Variants in GNAS-AS1 observed in about 807,000 individuals in gnomAD.
GNAS-AS1 encodes GNAS antisense RNA 1.
chr20:58,849,346 T>G (rs2145526758), intron 1 of GNAS-AS1, among the ~76,000 whole-genome samples: 1 of 152,292 alleles, frequency 6.6e-6, no homozygotes, highest in Middle Eastern at 3.4e-3. Flanking sequence ...TCCTCCCTAC[T>G]CACTCCTGGA....
chr20:58,839,360 G>C, intron 4 of GNAS-AS1: 3 of 399,502 alleles, frequency 7.5e-6, no homozygotes, highest in Non-Finnish European at 8.8e-6. Context: ...CTCGTGTATA[G>C]ACAGACCCTC....
At position 58,849,496 on chromosome 20, in the gene GNAS-AS1, CT is replaced by C. The variant is rs34774634; in HGVS notation, n.375-580del. 5.3e-5 allele frequency among the ~76,000 whole-genome samples: 8 copies of C among 152,322 alleles called. No individual in the cohort carries two copies. In the South Asian group the frequency reaches 1.7e-3, roughly 32 times the overall value. The stretch of plus-strand genomic sequence containing the variant: ...GCCAATTTGAATGTGTGATCTTTAT[CT>C]TTTTCTGAACTTCAGACCTTTCCTC... On this transcript the variant is annotated intron_variant and non_coding_transcript_variant, in intron 1 of 4. Transcript: ENST00000424094.
Position 58,829,325 on chromosome 20 carries a change from T to C in GNAS-AS1, n.820-10070A>G, listed in dbSNP as rs532424679. The stretch of plus-strand genomic sequence containing the variant: ...ACCACCTCCCTAGACCCAGCTACTA[T>C]CAACTCTAGCTTCCTCTCAAATTCC... On this transcript the variant is annotated intron_variant and non_coding_transcript_variant, in intron 4 of 4. Transcript: ENST00000424094. Among the ~76,000 whole-genome samples, 18 of 152,328 alleles carry C rather than the reference T, an allele frequency of 1.2e-4. No individual in the cohort carries two copies. The South Asian group carries it at 3.5e-3, about 30-fold the overall frequency.
At chr20:58,821,438 G>A (rs2085486480) in intron 4 of GNAS-AS1, among the ~76,000 whole-genome samples, 1 of 152,218 alleles carries the variant, frequency 6.6e-6, no homozygotes, top group African/African-American at 2.4e-5. Flanking sequence ...CGGACTCCAC[G>A]ATTTTCCTGC....
chr20:58,819,947 C>T (rs2085474777), intron 4 of GNAS-AS1, among the ~76,000 whole-genome samples: 1 of 152,206 alleles, frequency 6.6e-6, no homozygotes, highest in African/African-American at 2.4e-5. Flanking sequence ...GTCCTCGCAC[C>T]CCGCCCCAGG....
chr20:58,835,636 CT>C (rs1199162386), intron 4 of GNAS-AS1, among the ~76,000 whole-genome samples: 2 of 152,202 alleles, frequency 1.3e-5, no homozygotes, highest in African/African-American at 4.8e-5. Flanking sequence ...TACTCTACAC[CT>C]GTCAGCAATC....
Position 58,840,995 on chromosome 20 carries a change from G to A in GNAS-AS1, n.819+942C>T. On this transcript the variant is annotated intron_variant and non_coding_transcript_variant, in intron 4 of 4. Coordinates refer to ENST00000424094, the Ensembl canonical transcript of GNAS-AS1. This position sits in a 1 kb window ranked among gnomAD's most constrained non-coding sequence, Gnocchi z 6.0. ...GTCAGGGGCGAGTGGGAAGAGAGGA[G>A]GCTCAGCTGGTCAGCCTGGGATCGG... 4 of 1,217,014 alleles carry A rather than the reference G, an allele frequency of 3.3e-6. No homozygotes were observed. The highest frequency in any genetic ancestry group is 1.3e-5 in the South Asian group (1 of 76,592). The allele number at this position is 1,217,014 out of a possible 1,614,324, so 75.4% of individuals were successfully genotyped here.
At chr20:58,822,522 C>T (rs772486062) in intron 4 of GNAS-AS1, among the ~76,000 whole-genome samples, 4 of 152,222 alleles carry the variant, frequency 2.6e-5, no homozygotes, top group South Asian at 2.1e-4. Context: ...GACACCTAAA[C>T]GTTGGCGGTC....
rs1054081729 is a variant in GNAS-AS1, at chr20:58,841,298, A to G, written n.819+639T>C. On this transcript the variant is annotated intron_variant and non_coding_transcript_variant, in intron 4 of 4. Coordinates refer to ENST00000424094, the Ensembl canonical transcript of GNAS-AS1. The surrounding 1 kb of genome is among the most constrained non-coding windows in gnomAD (Gnocchi z 5.0). ...AATAAGTTGGCCTTCTCAGGTGTCC[A>G]AAATGTGGTTCGGAGGTGCGCGCGC... The G allele has an allele frequency of 1.9e-6, 2 of 1,069,348 alleles. No individual in the cohort carries two copies. Among genetic ancestry groups the G allele is most frequent in the Admixed American group, 4.9e-5 (1 of 20,260 alleles). The allele number at this position is 1,069,348 out of a possible 1,614,324, so 66.2% of individuals were successfully genotyped here.
chr20:58,840,442 G>C lies in GNAS-AS1; in HGVS notation n.819+1495C>G. ...AGGAAGAGTTCGACTACGAGACCGA[G>C]AGCGAGACCGAGTCCGAAATCGAGT... On this transcript the variant is annotated intron_variant and non_coding_transcript_variant, in intron 4 of 4. Transcript: ENST00000424094. This position sits in a 1 kb window ranked among gnomAD's most constrained non-coding sequence, Gnocchi z 6.0. 1 of 1,613,518 alleles carries C rather than the reference G, an allele frequency of 6.2e-7. No individual in the cohort carries two copies. Among genetic ancestry groups the C allele is most frequent in the Non-Finnish European group, 8.5e-7 (1 of 1,179,834 alleles).
At position 58,841,003 on chromosome 20, in the gene GNAS-AS1, T is replaced by G; in HGVS notation, n.819+934A>C. 8.7e-7 allele frequency: 1 copy of G among 1,156,048 alleles called. No homozygotes were observed. Among genetic ancestry groups the G allele is most frequent in the Non-Finnish European group, 1.2e-6 (1 of 801,456 alleles). 71.6% of individuals were successfully genotyped at this position (1,156,048 alleles called of 1,614,324 possible). A position where few individuals can be genotyped will look rare whatever the true frequency, so the allele number is the denominator to read the frequency against. On this transcript the variant is annotated intron_variant and non_coding_transcript_variant, in intron 4 of 4. Transcript: ENST00000424094. This position sits in a 1 kb window ranked among gnomAD's most constrained non-coding sequence, Gnocchi z 5.0. ...CGAGTGGGAAGAGAGGAGGCTCAGC[T>G]GGTCAGCCTGGGATCGGGGGTCAGG...
intron 4 of GNAS-AS1, among the ~76,000 whole-genome samples, chr20:58,825,637 G>A (rs990519338): frequency 6.6e-6 from 1 of 152,230 alleles, no homozygotes; most frequent in African/African-American, 2.4e-5. Flanking sequence ...CGTGAAGGTG[G>A]TGCGAAAATA....
intron 4 of GNAS-AS1, among the ~76,000 whole-genome samples, chr20:58,836,914 C>A (rs1197832665): frequency 6.6e-6 from 1 of 152,004 alleles, no homozygotes; most frequent in Non-Finnish European, 1.5e-5. Context: ...GCAAAGAAAG[C>A]GCATTGCTAA....
chr20:58,842,761 C>T lies in GNAS-AS1; in HGVS notation n.414-216G>A, dbSNP rs148312746. ...CTCTGGTAATGTCTCAGCCTGAGTT[C>T]ACCAAGCAAAATGTCTCTAGGGACA... On this transcript the variant is annotated intron_variant and non_coding_transcript_variant, in intron 2 of 4. Coordinates refer to ENST00000424094, the Ensembl canonical transcript of GNAS-AS1. 7.3e-4 allele frequency among the ~76,000 whole-genome samples: 111 copies of T among 152,254 alleles called. 1 individual carries two copies. Among genetic ancestry groups the T allele is most frequent in the South Asian group, 1.9e-3 (9 of 4,816 alleles).
intron 4 of GNAS-AS1, among the ~76,000 whole-genome samples, chr20:58,836,887 T>G (rs574232035): frequency 6.6e-6 from 1 of 152,326 alleles, no homozygotes; most frequent in South Asian, 2.1e-4. Context: ...GTGTGTTTGC[T>G]GATTAAAATG....
intron 4 of GNAS-AS1, among the ~76,000 whole-genome samples, chr20:58,837,181 C>A (rs1041400162): frequency 6.6e-6 from 1 of 152,144 alleles, no homozygotes; most frequent in Admixed American, 6.5e-5. Flanking sequence ...TTTCCCCCAA[C>A]GTGCCCTGAA....
intron 4 of GNAS-AS1, among the ~76,000 whole-genome samples, chr20:58,822,130 G>A (rs889366724): frequency 6.6e-6 from 1 of 152,212 alleles, no homozygotes; most frequent in African/African-American, 2.4e-5. Flanking sequence ...TGGCTCCCCA[G>A]ACCCGGCCAT....
intron 2 of GNAS-AS1, among the ~76,000 whole-genome samples, chr20:58,844,773 G>A (rs1480905812): frequency 2.6e-5 from 4 of 151,670 alleles, no homozygotes; most frequent in South Asian, 2.1e-4. Flanking sequence ...ACTCCAGCCC[G>A]GCCTACAGTG....
At chr20:58,837,170 T>C (rs1207817335) in intron 4 of GNAS-AS1, among the ~76,000 whole-genome samples, 3 of 152,144 alleles carry the variant, frequency 2.0e-5, no homozygotes, top group Non-Finnish European at 2.9e-5. Context: ...TATTCCTGAT[T>C]TTTCCCCCAA....
Sources: gnomAD v4.1 joint callset for allele counts (sites outside exome capture counted in the v4.1 genomes callset) on GRCh38, gnomAD v4.1.1 for gene constraint, Gnocchi (gnomAD v3.1) non-coding constraint, MANE v1.5 for transcripts, NCBI Gene and HGNC (gene_info 2026-07-23, HGNC 2026-07-21) for gene names.